The following PALS2 variants were observed in gnomAD, a reference collection of about 807,000 sequenced individuals.
PALS2 encodes the protein protein PALS2.
Under a neutral mutation model 61.6 loss-of-function variants are expected in PALS2, and 27 were observed. The observed-to-expected ratio is 0.44, with a 90% CI of 0.32 to 0.60. PALS2 has a LOEUF of 0.60. PALS2 is among the 20% of genes least tolerant of loss of function. PALS2 has a pLI of 0.05. For synonymous variants in PALS2, 236 were observed against 218.6 expected (o/e 1.08, Z -0.70); for missense variants, 554 against 639.4 (o/e 0.87, Z 1.44).
At chr7:24,640,881 A>G (rs531487654) in intron 2 of PALS2, among the ~76,000 whole-genome samples, 131 of 151,624 alleles carry the variant, frequency 8.6e-4, no homozygotes, top group Non-Finnish European at 1.3e-3. Context: ...GGTGGCGGGT[A>G]CCTGTAGTCC....
In PALS2 at chr7:24,688,512, A is replaced by G. The variant is rs1278809511; in HGVS notation, c.*898A>G. ...CTTTAAACAATGGTTTTATTAGAAC[A>G]TGGTCAGCAAATGTATCATGCCTCT... On this transcript the variant is annotated 3_prime_UTR_variant, in exon 12 of 12. Coordinates refer to ENST00000222644, the MANE Select transcript of PALS2 (RefSeq NM_001303037.2). 1 of 152,114 alleles carries G rather than the reference A, an allele frequency of 6.6e-6. No individual in the cohort carries two copies. Among genetic ancestry groups the G allele is most frequent in the Non-Finnish European group, 1.5e-5 (1 of 68,004 alleles). The allele number at this position is 152,114 out of a possible 1,614,324, so 9.4% of individuals were successfully genotyped here. A position where few individuals can be genotyped will look rare whatever the true frequency, so the allele number is the denominator to read the frequency against.
chr7:24,594,321 A>G (rs1339071601), intron 1 of PALS2, among the ~76,000 whole-genome samples: 1 of 152,078 alleles, frequency 6.6e-6, no homozygotes, highest in Admixed American at 6.6e-5. Context: ...TATCATCAAT[A>G]ATGCTGTTTT....
Position 24,694,000 on chromosome 7 carries a change from T to C in PALS2, c.*6386T>C, listed in dbSNP as rs1788592838. On this transcript the variant is annotated 3_prime_UTR_variant, in exon 12 of 12. Coordinates refer to ENST00000222644, the MANE Select transcript of PALS2 (RefSeq NM_001303037.2). ...TGAAGTAACTGTAGAAGAGAATCTT[T>C]AAAAAAAAAAATGGAGGGCAGAATG... is the stretch of plus-strand genomic sequence containing the variant. 1 of 146,832 alleles carries C rather than the reference T, an allele frequency of 6.8e-6. No homozygotes were observed. The highest frequency in any genetic ancestry group is 6.8e-5 in the Admixed American group (1 of 14,742). 9.1% of individuals were successfully genotyped at this position (146,832 alleles called of 1,614,324 possible).
Position 24,624,605 on chromosome 7 carries a change from C to CTTCTTTTT in PALS2, c.117+823_117+824insCTTTTTTT, listed in dbSNP as rs1554302487. On this transcript the variant is annotated intron_variant, in intron 2 of 11. Transcript: ENST00000222644. ...GAGTGAATTAATGATGCAGATTCTT[C>CTTCTTTTT]TTTTTTTTTTTTTTTTTTTGAGAGG... Among the ~76,000 whole-genome samples, 264 of 86,320 alleles carry CTTCTTTTT rather than the reference C, an allele frequency of 3.1e-3. 32 individuals are homozygous for CTTCTTTTT. The highest frequency in any genetic ancestry group is 0.016 in the African/African-American group (244 of 15,420). The allele number at this position is 86,320 out of a possible 152,430, so 56.6% of individuals were successfully genotyped here.
At position 24,660,054 on chromosome 7, in the gene PALS2, C is replaced by G. The variant is rs142899195; in HGVS notation, c.652-3536C>G. Among the ~76,000 whole-genome samples, 55 of 152,298 alleles carry G rather than the reference C, an allele frequency of 3.6e-4. No homozygotes were observed. The East Asian group carries it at 0.01, about 28-fold the overall frequency. On this transcript the variant is annotated intron_variant, in intron 5 of 11. Transcript: ENST00000222644. ...AATTGTGCAGCTCATCTTGTTTCTT[C>G]CATCTTTTAGGATCACTATCTTCAT...
intron 1 of PALS2, among the ~76,000 whole-genome samples, chr7:24,610,574 G>T (rs139267467): frequency 6.6e-6 from 1 of 152,076 alleles, no homozygotes; most frequent in South Asian, 2.1e-4. Flanking sequence ...GGGAAGATAT[G>T]GATAGCATAT....
chr7:24,639,673 C>CTTT (rs771109602), intron 2 of PALS2, among the ~76,000 whole-genome samples: 5 of 143,116 alleles, frequency 3.5e-5, no homozygotes, highest in African/African-American at 1.3e-4. Flanking sequence ...AGATTATTTT[C>CTTT]TTTTTTTTTT....
At chr7:24,639,849 C>G (rs965894553) in intron 2 of PALS2, among the ~76,000 whole-genome samples, 1 of 116,088 alleles carries the variant, frequency 8.6e-6, no homozygotes, top group Non-Finnish European at 1.6e-5. Context: ...GAGACGGAGT[C>G]TCTGTCACCC....
intron 2 of PALS2, among the ~76,000 whole-genome samples, chr7:24,633,549 G>A (rs1785103313): frequency 6.8e-6 from 1 of 147,534 alleles, no homozygotes; most frequent in Non-Finnish European, 1.5e-5. Flanking sequence ...AGAATTCGGG[G>A]TTTTTAATCC....
In PALS2 at chr7:24,596,158, C is replaced by G. The variant is rs988873356; in HGVS notation, c.-3+22565C>G. The stretch of plus-strand genomic sequence containing the variant: ...TGTTTTGTGTTTTAAAATGATGGCT[C>G]TAGCCACTCTGGGGAGAATATTGTT... On this transcript the variant is annotated intron_variant, in intron 1 of 11. Coordinates refer to ENST00000222644, the MANE Select transcript of PALS2 (RefSeq NM_001303037.2). The surrounding 1 kb of genome is among the most constrained non-coding windows in gnomAD (Gnocchi z 4.5). 2.6e-5 allele frequency among the ~76,000 whole-genome samples: 4 copies of G among 152,176 alleles called. No homozygotes were observed. The highest frequency in any genetic ancestry group is 2.1e-4 in the South Asian group (1 of 4,810).
intron 5 of PALS2, among the ~76,000 whole-genome samples, chr7:24,662,754 G>A (rs12700540): frequency 0.031 from 4,007 of 130,846 alleles, 75 homozygotes; most frequent in Non-Finnish European, 0.045. Flanking sequence ...GGGTGAAAGA[G>A]TGAGACTCCA....
chr7:24,628,553 A>G (rs1784849776), intron 2 of PALS2, among the ~76,000 whole-genome samples: 1 of 152,224 alleles, frequency 6.6e-6, no homozygotes, highest in South Asian at 2.1e-4. Context: ...GAAGAGAGGA[A>G]GTCAAATTAT....
intron 9 of PALS2, among the ~76,000 whole-genome samples, chr7:24,673,283 A>G (rs902303725): frequency 3.3e-5 from 5 of 151,974 alleles, no homozygotes; most frequent in African/African-American, 1.2e-4. Context: ...CTTTTTTTGT[A>G]TACTTCTAGA....
At position 24,688,413 on chromosome 7, in the gene PALS2, C is replaced by T. The variant is rs1160152028; in HGVS notation, c.*799C>T. 6.6e-6 allele frequency: 1 copy of T among 152,172 alleles called. No individual in the cohort carries two copies. The highest frequency in any genetic ancestry group is 2.4e-5 in the African/African-American group (1 of 41,442). The allele number at this position is 152,172 out of a possible 1,614,324, so 9.4% of individuals were successfully genotyped here. A position where few individuals can be genotyped will look rare whatever the true frequency, so the allele number is the denominator to read the frequency against. ...TGAGAGAGTGCCTTATCCTGTAAAA[C>T]CTTACAGCAAAATGACACTTGAAGA... is the stretch of plus-strand genomic sequence containing the variant. On this transcript the variant is annotated 3_prime_UTR_variant, in exon 12 of 12. Transcript: ENST00000222644.
chr7:24,668,755 C>A, intron 9 of PALS2, 95 bp downstream of exon 9: 1 of 1,433,588 alleles, frequency 7.0e-7, no homozygotes, highest in Non-Finnish European at 9.5e-7. Flanking sequence ...TATTGTTATT[C>A]CCAAATAAGT....
rs566845071 is a variant in PALS2 at position 24,646,564 on chromosome 7, T to C, written c.271-3048T>C. Among the ~76,000 whole-genome samples, 3 of 152,344 alleles carry C rather than the reference T, an allele frequency of 2.0e-5. No individual in the cohort carries two copies. The South Asian group carries it at 6.2e-4, about 32-fold the overall frequency. The stretch of plus-strand genomic sequence containing the variant: ...ATTGATTTGGTTTGCAAGTATTTTG[T>C]TGAGGATTTTGACATTAATGTTTGT... On this transcript the variant is annotated intron_variant, in intron 3 of 11. Coordinates refer to ENST00000222644, the MANE Select transcript of PALS2 (RefSeq NM_001303037.2).
chr7:24,620,726 T>A (rs2108301), intron 1 of PALS2, among the ~76,000 whole-genome samples: 96,667 of 152,002 alleles, frequency 0.64, 33,284 homozygotes, highest in East Asian at 0.99. Context: ...TGCTAATTTG[T>A]TACTATTGCT....
rs566202946 is a variant in PALS2, at chr7:24,686,070, C to T, written c.1447-1368C>T. ...CCCCCAGAAATTATGCTCTCCCTAC[C>T]CCTCAACTCTGTATCTCCCACAGCC... On this transcript the variant is annotated intron_variant, in intron 11 of 11. Transcript: ENST00000222644. Among the ~76,000 whole-genome samples the T allele has an allele frequency of 4.6e-5, 7 of 152,236 alleles. No individual in the cohort carries two copies. In the South Asian group the frequency reaches 1.0e-3, roughly 23 times the overall value.
At chr7:24,665,357 G>A (rs1786958875) in intron 6 of PALS2, among the ~76,000 whole-genome samples, 1 of 151,994 alleles carries the variant, frequency 6.6e-6, no homozygotes, top group Non-Finnish European at 1.5e-5. Flanking sequence ...TTTGTATTTT[G>A]GTCCCCACAT....
Sources: allele counts gnomAD v4.1 joint callset (sites outside exome capture counted in the v4.1 genomes callset), GRCh38; gene constraint gnomAD v4.1.1; non-coding constraint Gnocchi (gnomAD v3.1); transcripts MANE v1.5; gene names NCBI Gene and HGNC (gene_info 2026-07-23, HGNC 2026-07-21).